Variants in BRWD1 observed in about 807,000 individuals in gnomAD.
The protein encoded by BRWD1 is bromodomain and WD repeat domain containing 1.
BRWD1 carries 82 observed loss-of-function variants against 251.2 expected under a neutral mutation model. That is an observed-to-expected ratio of 0.33 (90% CI 0.27 to 0.39). BRWD1 has a LOEUF of 0.39. BRWD1 is among the 10% of genes least tolerant of loss of function. The pLI is 1.00. For synonymous variants in BRWD1, 918 were observed against 902.8 expected, an observed-to-expected ratio of 1.02 and a Z score of -0.30; for missense variants, 2,233 against 2,711.6, an observed-to-expected ratio of 0.82 and a Z score of 3.92.
Position 39,264,572 on chromosome 21 carries a change from G to C in BRWD1, c.1773C>G (p.Phe591Leu). ...QQAPHLMPPP[F>L]LVDVDGNPHP... Reference sequence around the variant, plus strand: ...GAGGATTTCCATCTACATCTACCAAGAATGGTGGAGGCATAAGATGAGGAG... The same window carrying C: ...GAGGATTTCCATCTACATCTACCAACAATGGTGGAGGCATAAGATGAGGAG... Residue 591 changes from phenylalanine to leucine, a missense_variant, in exon 17 of 41, where the codon TTC (phenylalanine) becomes TTG (leucine). Around this residue, in one of 12 missense-constraint regions of BRWD1, gnomAD observed 315 missense variants for 421.8 expected, o/e 0.75. Transcript: ENST00000342449. The C allele has an allele frequency of 6.2e-7, 1 of 1,612,964 alleles. No homozygotes were observed. The highest frequency in any genetic ancestry group is 1.1e-5 in the South Asian group (1 of 90,982).
Position 39,202,527 on chromosome 21 carries a change from C to A in BRWD1, c.4383G>T (p.Arg1461Ser), listed in dbSNP as rs754794754. 11 of 1,610,252 alleles carry A rather than the reference C, an allele frequency of 6.8e-6. No homozygotes were observed. In the South Asian group the frequency reaches 8.8e-5, roughly 13 times the overall value. Reference protein sequence around the residue: ...NKSIRNLKPKRLKSQTKIIPE... With the variant: ...NKSIRNLKPKSLKSQTKIIPE... ...GAATTATTTTTGTCTGAGATTTTAA[C>A]CTCTTCGGCTTGAGGTTTCTGGCCA... The change falls in exon 38 of 41, where the codon AGG (arginine) becomes AGT (serine). Residue 1461 changes from arginine to serine, a missense_variant. Coordinates refer to ENST00000342449, the MANE Select transcript of BRWD1 (RefSeq NM_033656.4).
chr21:39,277,262 C>T lies in BRWD1; in HGVS notation c.1093G>A (p.Glu365Lys). The change falls in exon 11 of 41, where the codon GAA becomes AAA. Residue 365 changes from glutamate (E) to lysine (K), a missense_variant. This residue lies in a region of BRWD1 where 315 missense variants were observed against 421.8 expected (regional missense o/e 0.75). Coordinates refer to ENST00000342449, the MANE Select transcript of BRWD1 (RefSeq NM_033656.4). ...ACGTGGATGCTTACAGTGTGGCTTT[C>T]AAGTTCTGCGATTTTTTCGGGTGCT... is the stretch of plus-strand genomic sequence containing the variant. ...FEAPEKIAEL[E>K]SHTDKVDSIQ... 6.2e-7 allele frequency: 1 copy of T among 1,608,912 alleles called. No individual in the cohort carries two copies. The highest frequency in any genetic ancestry group is 8.5e-7 in the Non-Finnish European group (1 of 1,176,264).
chr21:39,267,580 C>T (rs35068861), intron 15 of BRWD1, among the ~76,000 whole-genome samples: 1 of 151,998 alleles, frequency 6.6e-6, no homozygotes, highest in Non-Finnish European at 1.5e-5. Flanking sequence ...GCCTGGGCGA[C>T]AGAGAGAGAC....
chr21:39,292,132 TGGGGGGGG>T (rs1182694435), intron 8 of BRWD1, among the ~76,000 whole-genome samples: 4 of 12,352 alleles, frequency 3.2e-4, no homozygotes, highest in Non-Finnish European at 7.1e-4. Flanking sequence ...TGGGTGGGGG[TGGGGGGGG>T]GGGTCTCACT....
chr21:39,248,909 C>T (rs956196171), intron 20 of BRWD1, among the ~76,000 whole-genome samples: 4 of 152,174 alleles, frequency 2.6e-5, no homozygotes, highest in East Asian at 1.9e-4. Context: ...GACATATATA[C>T]ACCTATGTTC....
chr21:39,207,561 T>C (rs970914895), intron 36 of BRWD1, among the ~76,000 whole-genome samples: 8 of 150,530 alleles, frequency 5.3e-5, no homozygotes, highest in African/African-American at 2.0e-4. Flanking sequence ...AGCGGGAATG[T>C]AAAAAGGTGC....
At chr21:39,203,740 T>G (rs916201199) in intron 37 of BRWD1, among the ~76,000 whole-genome samples, 3 of 150,896 alleles carry the variant, frequency 2.0e-5, no homozygotes, top group African/African-American at 7.3e-5. Flanking sequence ...CAAAACAGCC[T>G]TTTAAGTGGT....
At chr21:39,207,504 C>T (rs2032462000) in intron 36 of BRWD1, among the ~76,000 whole-genome samples, 1 of 118,228 alleles carries the variant, frequency 8.5e-6, no homozygotes, top group Non-Finnish European at 1.8e-5. Context: ...CCAAAAACAA[C>T]AAGTGTTGGC....
At chr21:39,297,877 T>C in intron 5 of BRWD1, 1 of 983,586 alleles carries the variant, frequency 1.0e-6, no homozygotes, top group Non-Finnish European at 1.2e-6. Flanking sequence ...CTAAGTCATA[T>C]ATACCAAGCT....
chr21:39,202,352 G>T lies in BRWD1; in HGVS notation c.4558C>A (p.Pro1520Thr), dbSNP rs763549642. Reference sequence around the variant, plus strand: ...GATAATGTAGAACCATTTGTTATAGGTCTATTTCTTTTCCTCCTTTCTGAT... The same window carrying T: ...GATAATGTAGAACCATTTGTTATAGTTCTATTTCTTTTCCTCCTTTCTGAT... ...ESSERRKRNR[P>T]ITNGSTLSES... The change falls in exon 38 of 41, where the codon CCT becomes ACT. Residue 1520 changes from proline (P) to threonine (T), a missense_variant. Around this residue, in one of 12 missense-constraint regions of BRWD1, gnomAD observed 928 missense variants for 970.0 expected, o/e 0.96. Transcript: ENST00000342449. 1 of 1,613,030 alleles carries T rather than the reference G, an allele frequency of 6.2e-7. No homozygotes were observed. The highest frequency in any genetic ancestry group is 8.5e-7 in the Non-Finnish European group (1 of 1,179,224).
At chr21:39,273,461 A>C (rs1253461963) in intron 13 of BRWD1, among the ~76,000 whole-genome samples, 2 of 152,262 alleles carry the variant, frequency 1.3e-5, no homozygotes, top group Admixed American at 1.3e-4. Context: ...GCTACAGCAG[A>C]GAATATAAGT....
intron 8 of BRWD1, among the ~76,000 whole-genome samples, chr21:39,291,642 G>A (rs971454616): frequency 5.9e-5 from 9 of 152,228 alleles, no homozygotes; most frequent in African/African-American, 1.9e-4. Context: ...AACTCTATCC[G>A]CCCATATGTG....
chr21:39,243,985 A>T (rs1201302355), intron 21 of BRWD1, among the ~76,000 whole-genome samples: 1 of 152,142 alleles, frequency 6.6e-6, no homozygotes, highest in Non-Finnish European at 1.5e-5. Flanking sequence ...GCATTCAATA[A>T]ATTTTTTTTT....
At chr21:39,296,558 G>A (rs921762090) in intron 5 of BRWD1, 195 bp from the exon 6 acceptor site, 2 of 1,223,180 alleles carry the variant, frequency 1.6e-6, no homozygotes, top group African/African-American at 1.6e-5. Context: ...AGATACAGCA[G>A]CAACAACAAC....
At chr21:39,248,641 CAAA>C (rs375430016) in intron 20 of BRWD1, among the ~76,000 whole-genome samples, 12 of 83,298 alleles carry the variant, frequency 1.4e-4, no homozygotes, top group African/African-American at 5.6e-4. Flanking sequence ...CCCTATCTCC[CAAA>C]AAAAAAAAAA....
rs942577258 is a variant in BRWD1, at chr21:39,224,337, G to C, written c.3382+71C>G. 4 of 858,974 alleles carry C rather than the reference G, an allele frequency of 4.7e-6. No individual in the cohort carries two copies. The African/African-American group carries it at 7.0e-5, about 15-fold the overall frequency. The allele number at this position is 858,974 out of a possible 1,614,324, so 53.2% of individuals were successfully genotyped here. On this transcript the variant is annotated intron_variant, in intron 29 of 40. Coordinates refer to ENST00000342449, the MANE Select transcript of BRWD1 (RefSeq NM_033656.4). Reference sequence around the variant, plus strand: ...TTGATCATAGAATACAAATATGTTTGTTCCATGTGCACTGGCAAATGTACA... The same window carrying C: ...TTGATCATAGAATACAAATATGTTTCTTCCATGTGCACTGGCAAATGTACA...
In BRWD1 at chr21:39,189,754, CAAG is replaced by C. The variant is rs1482391556; in HGVS notation, c.*6502_*6504del. On this transcript the variant is annotated 3_prime_UTR_variant, in exon 41 of 41. Coordinates refer to ENST00000342449, the MANE Select transcript of BRWD1 (RefSeq NM_033656.4). ...GAGTAAATTATAAAGTGCTTTTTCTCAAGAAAACTACAAACAGTTTTAGAAATA... is the reference window on the plus strand; with the variant it reads ...GAGTAAATTATAAAGTGCTTTTTCTCAAAACTACAAACAGTTTTAGAAATA... 1 of 983,296 alleles carries C rather than the reference CAAG, an allele frequency of 1.0e-6. No homozygotes were observed. The highest frequency in any genetic ancestry group is 1.8e-5 in the African/African-American group (1 of 57,124). 60.9% of individuals were successfully genotyped at this position (983,296 alleles called of 1,614,324 possible).
At chr21:39,313,776 T>A (rs900573609), upstream of BRWD1, 4 of 389,156 alleles carry the variant, frequency 1.0e-5, no homozygotes, top group African/African-American at 8.8e-5. Context: ...GCTCTCTGCC[T>A]CCGGGGACTC....
chr21:39,288,612 C>T (rs1006636869), intron 8 of BRWD1, among the ~76,000 whole-genome samples: 1 of 152,066 alleles, frequency 6.6e-6, no homozygotes, highest in African/African-American at 2.4e-5. Context: ...ACTTCTGACT[C>T]CCAAAAAACT....
Sources: allele counts gnomAD v4.1 joint callset (sites outside exome capture counted in the v4.1 genomes callset), GRCh38; gene constraint gnomAD v4.1.1; regional missense constraint gnomAD v4.1.1; transcripts MANE v1.5; gene names NCBI Gene and HGNC (gene_info 2026-07-23, HGNC 2026-07-21).